Variants in EPHA10 observed in about 807,000 individuals in gnomAD.
EPHA10 encodes EPH receptor A10.
Under a neutral mutation model 109.7 loss-of-function variants are expected in EPHA10, and 120 were observed. That is an observed-to-expected ratio of 1.09 (90% confidence interval 0.94 to 1.27). EPHA10 has a LOEUF of 1.27. Among genes scored for constraint, EPHA10 ranks in the 50% most tolerant of loss-of-function variants. The pLI is 0.00. For missense variants in EPHA10, 1,396 were observed against 1,411.1 expected (o/e 0.99, Z 0.17); for synonymous variants, 640 against 618.9 (o/e 1.03, Z -0.51).
Position 37,764,397 on chromosome 1 carries a change from G to T in EPHA10, c.106+564C>A. ...AATCAGAGGCAAGACGCGGGCTCCA[G>T]TATCGCCGACAGCCTCAAACCCGGC... On this transcript the variant is annotated intron_variant, in intron 1 of 16. Transcript: ENST00000373048. This position sits in a 1 kb window ranked among gnomAD's most constrained non-coding sequence, Gnocchi z 5.8. Among the ~76,000 whole-genome samples the T allele has an allele frequency of 6.6e-6, 1 of 152,354 alleles. No individual in the cohort carries two copies. The highest frequency in any genetic ancestry group is 1.5e-5 in the Non-Finnish European group (1 of 68,038).
intron 8 of EPHA10, among the ~76,000 whole-genome samples, chr1:37,726,740 G>A (rs1004718324): frequency 6.6e-5 from 10 of 152,164 alleles, no homozygotes; most frequent in Admixed American, 2.0e-4. Context: ...TCCTGTGTTC[G>A]AGGGCCTCAA....
chr1:37,717,673 A>G lies in EPHA10; in HGVS notation c.*699T>C. 4.3e-6 allele frequency: 1 copy of G among 231,262 alleles called. No homozygotes were observed. Among genetic ancestry groups the G allele is most frequent in the East Asian group, 6.1e-5 (1 of 16,356 alleles). The allele number at this position is 231,262 out of a possible 1,614,324, so 14.3% of individuals were successfully genotyped here. On this transcript the variant is annotated 3_prime_UTR_variant, in exon 17 of 17. Coordinates refer to ENST00000373048, the MANE Select transcript of EPHA10 (RefSeq NM_001099439.2). ...GCCCCAGGGAGCACCAGGGCCTCTCATGGCCCGGCCTGGCCAGGACTTTTG... is the reference window on the plus strand; with the variant it reads ...GCCCCAGGGAGCACCAGGGCCTCTCGTGGCCCGGCCTGGCCAGGACTTTTG...
rs185858371 is a variant in EPHA10, at chr1:37,740,343, T to C, written c.1358-4953A>G. Reference sequence around the variant, plus strand: ...TTTTTTGAGACAGAGTCTCACTCTGTCACCCAGGCTGGAGAGCAGGGGCGG... The same window carrying C: ...TTTTTTGAGACAGAGTCTCACTCTGCCACCCAGGCTGGAGAGCAGGGGCGG... On this transcript the variant is annotated intron_variant, in intron 5 of 16. Coordinates refer to ENST00000373048, the MANE Select transcript of EPHA10 (RefSeq NM_001099439.2). 3.1e-4 allele frequency among the ~76,000 whole-genome samples: 47 copies of C among 152,252 alleles called. No individual in the cohort carries two copies. In the East Asian group the frequency reaches 8.3e-3, roughly 27 times the overall value.
At chr1:37,732,393 G>A (rs1000816731) in intron 6 of EPHA10, among the ~76,000 whole-genome samples, 2 of 152,022 alleles carry the variant, frequency 1.3e-5, no homozygotes, top group Non-Finnish European at 2.9e-5. Flanking sequence ...TCCTCCCGTC[G>A]TTTCGTCCCT....
rs994110932 is a variant in EPHA10 at position 37,727,320 on chromosome 1, A to C, written c.1664-110T>G. ...AGCAGGATTCCCATAGCACCTCTGCACTTGGCACTGCCTCCCAGCCACAGA... is the reference window on the plus strand; with the variant it reads ...AGCAGGATTCCCATAGCACCTCTGCCCTTGGCACTGCCTCCCAGCCACAGA... On this transcript the variant is annotated intron_variant, in intron 7 of 16. Transcript: ENST00000373048. The C allele has an allele frequency of 6.1e-6, 5 of 823,638 alleles. No homozygotes were observed. The African/African-American group carries it at 9.0e-5, about 15-fold the overall frequency. The allele number at this position is 823,638 out of a possible 1,614,324, so 51.0% of individuals were successfully genotyped here.
intron 5 of EPHA10, among the ~76,000 whole-genome samples, chr1:37,750,661 C>G (rs55961200): frequency 0.24 from 36,417 of 151,586 alleles, 4,583 homozygotes; most frequent in Admixed American, 0.28. Flanking sequence ...CTCGCTGCAG[C>G]CTCAAACTCC....
In EPHA10 at chr1:37,731,392, A is replaced by G; in HGVS notation, c.1663+19T>C. ...GTTCTCTCTGTCTAGGTCCCTGTCC[A>G]CTCACACACACTACTTACCCTCCCC... On this transcript the variant is annotated intron_variant, in intron 7 of 16. Transcript: ENST00000373048. The G allele has an allele frequency of 6.4e-7, 1 of 1,568,360 alleles. No individual in the cohort carries two copies. Among genetic ancestry groups the G allele is most frequent in the Non-Finnish European group, 8.7e-7 (1 of 1,154,032 alleles).
At chr1:37,748,175 G>A (rs755222040) in intron 5 of EPHA10, among the ~76,000 whole-genome samples, 1 of 151,994 alleles carries the variant, frequency 6.6e-6, no homozygotes, top group Non-Finnish European at 1.5e-5. Context: ...CCTGATCAAC[G>A]TGGTGAAATC....
rs533678298 is a variant in EPHA10, at chr1:37,721,592, T to A, written c.2146+68A>T. The A allele has an allele frequency of 1.3e-4, 200 of 1,486,810 alleles. No homozygotes were observed. The African/African-American group carries it at 2.4e-3, about 18-fold the overall frequency. 92.1% of individuals were successfully genotyped at this position (1,486,810 alleles called of 1,614,324 possible). A position where few individuals can be genotyped will look rare whatever the true frequency, so the allele number is the denominator to read the frequency against. On this transcript the variant is annotated intron_variant, in intron 11 of 16. Coordinates refer to ENST00000373048, the MANE Select transcript of EPHA10 (RefSeq NM_001099439.2). The stretch of plus-strand genomic sequence containing the variant: ...CTGGAGAGGCAGGGGCACTCCAAAC[T>A]CCCACACCATCATTTCCACCCCCCA...
chr1:37,715,970 A>G (rs746424920), downstream of EPHA10: 5 of 584,370 alleles, frequency 8.6e-6, no homozygotes, highest in African/African-American at 9.1e-5. Flanking sequence ...TCAAAGAGGC[A>G]CCATATCACA....
Position 37,754,583 on chromosome 1 carries a change from C to T in EPHA10, c.851-213G>A, listed in dbSNP as rs1646377629. Among the ~76,000 whole-genome samples the T allele has an allele frequency of 6.6e-6, 1 of 152,142 alleles. No homozygotes were observed. The highest frequency in any genetic ancestry group is 2.4e-5 in the African/African-American group (1 of 41,420). ...GCTGTGTGTTCGGAAAACTTTGAAA[C>T]ATTTTACTTTCAGCCGGGCGCGGTG... On this transcript the variant is annotated intron_variant, in intron 3 of 16. Coordinates refer to ENST00000373048, the MANE Select transcript of EPHA10 (RefSeq NM_001099439.2). The surrounding 1 kb of genome is among the most constrained non-coding windows in gnomAD (Gnocchi z 4.5).
In EPHA10 at chr1:37,753,185, G is replaced by T. The variant is rs1260930675; in HGVS notation, c.1048C>A (p.Arg350Ser). The T allele has an allele frequency of 7.2e-7, 1 of 1,392,644 alleles. No individual in the cohort carries two copies. The highest frequency in any genetic ancestry group is 9.3e-7 in the Non-Finnish European group (1 of 1,076,044). 86.3% of individuals were successfully genotyped at this position (1,392,644 alleles called of 1,614,324 possible). Reference protein sequence around the residue: ...APRDLQYSLSRSPLVLRLRWL... With the variant: ...APRDLQYSLSSSPLVLRLRWL... ...CGCAGTCGCAGCACCAGCGGCGAGCGGCTCAGGCTGTACTGCAGGTCCCGC... is the reference window on the plus strand; with the variant it reads ...CGCAGTCGCAGCACCAGCGGCGAGCTGCTCAGGCTGTACTGCAGGTCCCGC... The change falls in exon 5 of 17, where the codon CGC becomes AGC. Residue 350 changes from arginine to serine, a missense_variant. Physicochemically the swap from Arg to Ser is moderately radical, Grantham distance 110 (BLOSUM62 -1). Coordinates refer to ENST00000373048, the MANE Select transcript of EPHA10 (RefSeq NM_001099439.2).
At chr1:37,723,650 C>T (rs1645840395) in intron 8 of EPHA10, among the ~76,000 whole-genome samples, 1 of 152,250 alleles carries the variant, frequency 6.6e-6, no homozygotes, top group Admixed American at 6.5e-5. Context: ...GCACCCAATC[C>T]ACATCCTGGC....
chr1:37,721,803 C>G lies in EPHA10; in HGVS notation c.2003G>C (p.Gly668Ala). The G allele has an allele frequency of 6.2e-7, 1 of 1,609,028 alleles. No homozygotes were observed. The highest frequency in any genetic ancestry group is 8.5e-7 in the Non-Finnish European group (1 of 1,177,956). The change falls in exon 11 of 17, where the codon GGT (glycine) becomes GCT (alanine). Residue 668 changes from glycine (G) to alanine (A), a missense_variant. By Grantham distance (60) the Gly-to-Ala change is moderately conservative. Transcript: ENST00000373048. ...ELCCGCLQLPGRQELLVAVHM... is the reference protein window; with the variant it reads ...ELCCGCLQLPARQELLVAVHM... ...CACGGCTACGAGCAGCTCCTGGCGACCGGGGAGCTGCAAGCAGCCACAGCA... is the reference window on the plus strand; with the variant it reads ...CACGGCTACGAGCAGCTCCTGGCGAGCGGGGAGCTGCAAGCAGCCACAGCA...
intron 3 of EPHA10, among the ~76,000 whole-genome samples, chr1:37,755,892 G>A (rs1646389157): frequency 2.0e-5 from 3 of 152,150 alleles, no homozygotes; most frequent in African/African-American, 4.8e-5. Flanking sequence ...AGTTTAGCTG[G>A]CTGCTCTCCA....
At chr1:37,731,236 C>T (rs1645976604) in intron 7 of EPHA10, among the ~76,000 whole-genome samples, 175 bp downstream of exon 7, 1 of 152,088 alleles carries the variant, frequency 6.6e-6, no homozygotes, top group Non-Finnish European at 1.5e-5. Context: ...AGGCATTAGT[C>T]AGTGGATTTC....
At position 37,764,351 on chromosome 1, in the gene EPHA10, G is replaced by A. The variant is rs567475665; in HGVS notation, c.106+610C>T. Reference sequence around the variant, plus strand: ...ATGACGCCTCTGGATTCAACTGAGCGTATAGCTCCCCTAAATGCACAATCA... The same window carrying A: ...ATGACGCCTCTGGATTCAACTGAGCATATAGCTCCCCTAAATGCACAATCA... On this transcript the variant is annotated intron_variant, in intron 1 of 16. Coordinates refer to ENST00000373048, the MANE Select transcript of EPHA10 (RefSeq NM_001099439.2). This position sits in a 1 kb window ranked among gnomAD's most constrained non-coding sequence, Gnocchi z 5.8. Among the ~76,000 whole-genome samples the A allele has an allele frequency of 3.9e-5, 6 of 152,304 alleles. No individual in the cohort carries two copies. Among genetic ancestry groups the A allele is most frequent in the South Asian group, 2.1e-4 (1 of 4,830 alleles).
At chr1:37,745,108 C>T (rs1310232141) in intron 5 of EPHA10, among the ~76,000 whole-genome samples, 2 of 152,178 alleles carry the variant, frequency 1.3e-5, no homozygotes, top group South Asian at 2.1e-4. Flanking sequence ...TCAGAGGCAG[C>T]GTGGCTCTGA....
rs1423754861 is a variant in EPHA10, at chr1:37,751,924, T to TCTAA, written c.1357+948_1357+951dup. Reference sequence around the variant, plus strand: ...TAGGTTAAGCAGGTTAAAGAATTATTCTAACATCCGTGTGCATACGTGTAC... The same window carrying TCTAA: ...TAGGTTAAGCAGGTTAAAGAATTATTCTAACTAACATCCGTGTGCATACGTGTAC... On this transcript the variant is annotated intron_variant, in intron 5 of 16. Coordinates refer to ENST00000373048, the MANE Select transcript of EPHA10 (RefSeq NM_001099439.2). Among the ~76,000 whole-genome samples, 7 of 152,184 alleles carry TCTAA rather than the reference T, an allele frequency of 4.6e-5. No individual in the cohort carries two copies. In the East Asian group the frequency reaches 1.2e-3, roughly 25 times the overall value.
Sources: gnomAD v4.1 joint callset for allele counts (sites outside exome capture counted in the v4.1 genomes callset) on GRCh38, gnomAD v4.1.1 for gene constraint, Gnocchi (gnomAD v3.1) non-coding constraint, MANE v1.5 for transcripts, NCBI Gene and HGNC (gene_info 2026-07-23, HGNC 2026-07-21) for gene names.